Variants in TPMT observed in about 807,000 individuals in gnomAD.
TPMT encodes thiopurine S-methyltransferase.
In TPMT, 18 loss-of-function variants were observed where a neutral mutation model predicts 34.2. The ratio of observed to expected loss-of-function variants is 0.53; its 90% CI spans 0.36 to 0.78. The LOEUF is 0.78. TPMT is among the 30% of genes least tolerant of loss of function. The probability of loss-of-function intolerance (pLI) is 0.00; values close to 1 mark genes in which losing one functional copy is unlikely to be tolerated. For missense variants in TPMT, 265 were observed against 288.1 expected (o/e 0.92, Z 0.58); for synonymous variants, 69 against 92.4 (o/e 0.75, Z 1.45).
intron 1 of TPMT, among the ~76,000 whole-genome samples, chr6:18,151,695 T>G (rs1372122734): frequency 1.3e-5 from 2 of 151,884 alleles, no homozygotes; most frequent in Non-Finnish European, 2.9e-5. Context: ...TGGGCTCAAG[T>G]GATCCTCCCG....
rs1483158572 is a variant in TPMT, at chr6:18,130,867, G to A, written c.626-87C>T. On this transcript the variant is annotated intron_variant, in intron 8 of 8. Transcript: ENST00000309983. The surrounding 1 kb of genome is among the most constrained non-coding windows in gnomAD (Gnocchi z 4.2). ...AAAATACTCAAAATTGGCTGGGTGC[G>A]GTGGCTCACACCTGTAATCCCAACA... is the stretch of plus-strand genomic sequence containing the variant. 39 of 1,092,984 alleles carry A rather than the reference G, an allele frequency of 3.6e-5. No individual in the cohort carries two copies. Among genetic ancestry groups the A allele is most frequent in the South Asian group, 1.7e-4 (13 of 78,528 alleles). 67.7% of individuals were successfully genotyped at this position (1,092,984 alleles called of 1,614,324 possible).
At chr6:18,133,777 G>GAAAAAAAAAAAAAAAAAAAAAAAAAAAAA in intron 7 of TPMT, 27 bp downstream of exon 7, 1 of 1,348,424 alleles carries the variant, frequency 7.4e-7, no homozygotes. Context: ...ACTGGTAAAA[G>GAAAAAAAAAAAAAAAAAAAAAAAAAAAAA]AAAAAAAAAA....
Position 18,148,889 on chromosome 6 carries a change from A to T in TPMT, c.140+99T>A. ...CAAAAATGTGAAGAATTAAATGTGC[A>T]TCCTAAAAGTTAGTCAAATAATGTG... On this transcript the variant is annotated intron_variant, in intron 2 of 8. Transcript: ENST00000309983. This position sits in a 1 kb window ranked among gnomAD's most constrained non-coding sequence, Gnocchi z 4.1. The T allele has an allele frequency of 1.3e-6, 2 of 1,554,536 alleles. No homozygotes were observed. The highest frequency in any genetic ancestry group is 1.8e-6 in the Non-Finnish European group (2 of 1,131,502).
Position 18,143,489 on chromosome 6 carries a change from G to T in TPMT, c.366+107C>A. The T allele has an allele frequency of 2.1e-6, 3 of 1,434,916 alleles. No individual in the cohort carries two copies. The highest frequency in any genetic ancestry group is 2.9e-6 in the Non-Finnish European group (3 of 1,027,234). 88.9% of individuals were successfully genotyped at this position (1,434,916 alleles called of 1,614,324 possible). A position where few individuals can be genotyped will look rare whatever the true frequency, so the allele number is the denominator to read the frequency against. ...TATAGTATCTACAGTGAATCTGCGT[G>T]CTAAATAGGAACCATCGGACACATG... On this transcript the variant is annotated intron_variant, in intron 4 of 8. Coordinates refer to ENST00000309983, the MANE Select transcript of TPMT (RefSeq NM_000367.5). The surrounding 1 kb of genome is among the most constrained non-coding windows in gnomAD (Gnocchi z 6.1).
intron 6 of TPMT, 38 bp from the exon 7 acceptor site, chr6:18,133,927 T>C (rs762858764): frequency 7.0e-6 from 11 of 1,562,698 alleles, no homozygotes; most frequent in Non-Finnish European, 9.7e-6. Context: ...TACATTTCTC[T>C]ACACAGGCAA....
At chr6:18,137,950 T>C (rs1784072940) in intron 6 of TPMT, among the ~76,000 whole-genome samples, 1 of 152,112 alleles carries the variant, frequency 6.6e-6, no homozygotes, top group Non-Finnish European at 1.5e-5. Flanking sequence ...GGGCTGATTT[T>C]TGTATTTTTA....
Position 18,153,457 on chromosome 6 carries a change from T to G in TPMT, c.-45+1576A>C, listed in dbSNP as rs1362570733. Reference sequence around the variant, plus strand: ...ATACTAGCATGCTATTATTGGTGGTTCTAATTTAATGATTAATCTGTGAAA... The same window carrying G: ...ATACTAGCATGCTATTATTGGTGGTGCTAATTTAATGATTAATCTGTGAAA... On this transcript the variant is annotated intron_variant, in intron 1 of 8. Transcript: ENST00000309983. The surrounding 1 kb of genome is among the most constrained non-coding windows in gnomAD (Gnocchi z 4.2). Among the ~76,000 whole-genome samples, 1 of 152,244 alleles carries G rather than the reference T, an allele frequency of 6.6e-6. No homozygotes were observed. The highest frequency in any genetic ancestry group is 2.4e-5 in the African/African-American group (1 of 41,462).
chr6:18,146,955 A>C lies in TPMT; in HGVS notation c.233+868T>G, dbSNP rs10807622. 0.57 allele frequency among the ~76,000 whole-genome samples: 86,909 copies of C among 151,958 alleles called. 25,392 individuals carry two copies. Among genetic ancestry groups the C allele is most frequent in the African/African-American group, 0.69 (28,703 of 41,460 alleles). On this transcript the variant is annotated intron_variant, in intron 3 of 8. Coordinates refer to ENST00000309983, the MANE Select transcript of TPMT (RefSeq NM_000367.5). The surrounding 1 kb of genome is among the most constrained non-coding windows in gnomAD (Gnocchi z 6.2). ...GTTATTATATTTTACATTTATTAAT[A>C]TTTTATTTTAAATTTATTTTTTGAG... is the stretch of plus-strand genomic sequence containing the variant.
At position 18,139,741 on chromosome 6, in the gene TPMT, A is replaced by T; in HGVS notation, c.367-24T>A. On this transcript the variant is annotated intron_variant, in intron 4 of 8. Transcript: ENST00000309983. This position sits in a 1 kb window ranked among gnomAD's most constrained non-coding sequence, Gnocchi z 4.2. ...CTCTGTAATGAAATAATGAAAAAAA[A>T]ATTTTTTTTTTTTACTTAGTAAGTA... is the stretch of plus-strand genomic sequence containing the variant. 4 of 1,408,334 alleles carry T rather than the reference A, an allele frequency of 2.8e-6. No individual in the cohort carries two copies. The highest frequency in any genetic ancestry group is 1.9e-5 in the Admixed American group (1 of 53,084). 87.2% of individuals were successfully genotyped at this position (1,408,334 alleles called of 1,614,324 possible).
Position 18,143,631 on chromosome 6 carries a change from G to T in TPMT, c.331C>A (p.Pro111Thr). Residue 111 changes from proline to threonine, a missense_variant, in exon 4 of 9, where the codon CCA becomes ACA. Pro to Thr is a conservative substitution (Grantham distance 38). Coordinates refer to ENST00000309983, the MANE Select transcript of TPMT (RefSeq NM_000367.5). This position sits in a 1 kb window ranked among gnomAD's most constrained non-coding sequence, Gnocchi z 6.1. ...TEQNLSYSEE[P>T]ITEIPGTKVF... ...TTGGTTCCAGGAATTTCGGTGATTG[G>T]TTCTTCTGAGTAAGAAAGATTCTGC... The T allele has an allele frequency of 6.2e-7, 1 of 1,613,282 alleles. No homozygotes were observed. Among genetic ancestry groups the T allele is most frequent in the Non-Finnish European group, 8.5e-7 (1 of 1,179,986 alleles).
Position 18,148,868 on chromosome 6 carries a change from A to G in TPMT, c.140+120T>C. ...TGCACTGTGACTCGGGAGACACAAA[A>G]ATGTGAAGAATTAAATGTGCATCCT... is the stretch of plus-strand genomic sequence containing the variant. On this transcript the variant is annotated intron_variant, in intron 2 of 8. Coordinates refer to ENST00000309983, the MANE Select transcript of TPMT (RefSeq NM_000367.5). This position sits in a 1 kb window ranked among gnomAD's most constrained non-coding sequence, Gnocchi z 4.1. 2.0e-6 allele frequency: 3 copies of G among 1,474,660 alleles called. No individual in the cohort carries two copies. The highest frequency in any genetic ancestry group is 2.8e-6 in the Non-Finnish European group (3 of 1,064,870). 91.3% of individuals were successfully genotyped at this position (1,474,660 alleles called of 1,614,324 possible).
Position 18,138,921 on chromosome 6 carries a change from A to C in TPMT, c.494+42T>G, listed in dbSNP as rs376140800. The C allele has an allele frequency of 2.5e-5, 38 of 1,548,642 alleles. No homozygotes were observed. The East Asian group carries it at 8.1e-4, about 33-fold the overall frequency. On this transcript the variant is annotated intron_variant, in intron 6 of 8. Coordinates refer to ENST00000309983, the MANE Select transcript of TPMT (RefSeq NM_000367.5). The surrounding 1 kb of genome is among the most constrained non-coding windows in gnomAD (Gnocchi z 4.1). ...GAACCCAGAAAAAGTATAGTATACTAAAAAATTAAGACAGCTAAACAAAAA... is the reference window on the plus strand; with the variant it reads ...GAACCCAGAAAAAGTATAGTATACTCAAAAATTAAGACAGCTAAACAAAAA...
In TPMT at chr6:18,136,011, C is replaced by T. The variant is rs1267112057; in HGVS notation, c.495-2122G>A. 2.0e-5 allele frequency among the ~76,000 whole-genome samples: 3 copies of T among 152,082 alleles called. No homozygotes were observed. The highest frequency in any genetic ancestry group is 4.1e-4 in the South Asian group (2 of 4,828). On this transcript the variant is annotated intron_variant, in intron 6 of 8. Transcript: ENST00000309983. The surrounding 1 kb of genome is among the most constrained non-coding windows in gnomAD (Gnocchi z 4.7). ...TGCTAAATATATATTATATCAGACA[C>T]TGGGGAAATAACTGACCTCAGGTGA... is the stretch of plus-strand genomic sequence containing the variant.
intron 3 of TPMT, 102 bp downstream of exon 3, chr6:18,147,721 G>T: frequency 9.5e-7 from 1 of 1,047,230 alleles, no homozygotes; most frequent in Non-Finnish European, 1.5e-6. Flanking sequence ...GAATTTCTGT[G>T]TATTTCCTGA....
chr6:18,139,604 T>C lies in TPMT; in HGVS notation c.419+61A>G, dbSNP rs1339564671. ...AGTGAGGAAGACACCTCCACTCCCATGCCTGCACTGCCTGGCAAGCATTCA... is the reference window on the plus strand; with the variant it reads ...AGTGAGGAAGACACCTCCACTCCCACGCCTGCACTGCCTGGCAAGCATTCA... On this transcript the variant is annotated intron_variant, in intron 5 of 8. Coordinates refer to ENST00000309983, the MANE Select transcript of TPMT (RefSeq NM_000367.5). This position sits in a 1 kb window ranked among gnomAD's most constrained non-coding sequence, Gnocchi z 4.2. 1.5e-6 allele frequency: 2 copies of C among 1,364,376 alleles called. No homozygotes were observed. Among genetic ancestry groups the C allele is most frequent in the African/African-American group, 1.4e-5 (1 of 69,794 alleles). 84.5% of individuals were successfully genotyped at this position (1,364,376 alleles called of 1,614,324 possible).
rs1171796519 is a variant in TPMT, at chr6:18,150,740, G to C, written c.-44-1569C>G. 6.6e-6 allele frequency among the ~76,000 whole-genome samples: 1 copy of C among 152,176 alleles called. No individual in the cohort carries two copies. Among genetic ancestry groups the C allele is most frequent in the African/African-American group, 2.4e-5 (1 of 41,446 alleles). ...GACTATTCCTCATCCTTGATGCATAGCTCTGCTGGGTATCAAATTCTTGGT... is the reference window on the plus strand; with the variant it reads ...GACTATTCCTCATCCTTGATGCATACCTCTGCTGGGTATCAAATTCTTGGT... On this transcript the variant is annotated intron_variant, in intron 1 of 8. Transcript: ENST00000309983. This position sits in a 1 kb window ranked among gnomAD's most constrained non-coding sequence, Gnocchi z 5.3.
rs1451654374 is a variant in TPMT, at chr6:18,133,787, A to AC, written c.580+16_580+17insG. The AC allele has an allele frequency of 6.3e-6, 10 of 1,583,020 alleles. No homozygotes were observed. Among genetic ancestry groups the AC allele is most frequent in the African/African-American group, 1.4e-5 (1 of 72,890 alleles). Reference sequence around the variant, plus strand: ...AGGCAACTGGTAAAAGAAAAAAAAAAAACCCAACAACTTTACCTGGATGTT... The same window carrying AC: ...AGGCAACTGGTAAAAGAAAAAAAAAACAACCCAACAACTTTACCTGGATGTT... On this transcript the variant is annotated intron_variant, in intron 7 of 8. Transcript: ENST00000309983.
rs896469914 is a variant in TPMT, at chr6:18,148,043, T to C, written c.141-128A>G. ...ACTATTAATTATTATAATCTCCAGC[T>C]TACATATGAAGAAACAGGTAACTTG... On this transcript the variant is annotated intron_variant, in intron 2 of 8. Transcript: ENST00000309983. The surrounding 1 kb of genome is among the most constrained non-coding windows in gnomAD (Gnocchi z 4.1). The C allele has an allele frequency of 2.7e-6, 2 of 744,314 alleles. No homozygotes were observed. The highest frequency in any genetic ancestry group is 4.5e-6 in the Non-Finnish European group (2 of 440,740). The allele number at this position is 744,314 out of a possible 1,614,324, so 46.1% of individuals were successfully genotyped here.
rs2150708235 is a variant in TPMT, at chr6:18,132,263, T to C, written c.581-86A>G. On this transcript the variant is annotated intron_variant, in intron 7 of 8. Transcript: ENST00000309983. This position sits in a 1 kb window ranked among gnomAD's most constrained non-coding sequence, Gnocchi z 4.8. ...CATACAACTTCATTATCCAAATAGG[T>C]GATGATGTGGCATGTTCTTCTCATT... The C allele has an allele frequency of 7.9e-7, 1 of 1,264,932 alleles. No individual in the cohort carries two copies. Among genetic ancestry groups the C allele is most frequent in the African/African-American group, 1.5e-5 (1 of 67,976 alleles). 78.4% of individuals were successfully genotyped at this position (1,264,932 alleles called of 1,614,324 possible).
Sources: gnomAD v4.1 joint callset for allele counts (sites outside exome capture counted in the v4.1 genomes callset) on GRCh38, gnomAD v4.1.1 for gene constraint, Gnocchi (gnomAD v3.1) non-coding constraint, MANE v1.5 for transcripts, NCBI Gene and HGNC (gene_info 2026-07-23, HGNC 2026-07-21) for gene names.